Variants in DOCK3 observed in about 807,000 individuals in gnomAD.
DOCK3 encodes dedicator of cytokinesis 3.
In DOCK3, 60 loss-of-function variants were observed where a neutral mutation model predicts 265.6. That is an observed-to-expected ratio of 0.23 (90% CI 0.18 to 0.28). The LOEUF (loss-of-function observed/expected upper bound fraction) is 0.28. Among genes scored for constraint, DOCK3 ranks in the 10% least tolerant of loss-of-function variants. The pLI is 1.00. For missense variants in DOCK3, 1,981 were observed against 2,594.3 expected (o/e 0.76, Z 5.14); for synonymous variants, 881 against 938.0 (o/e 0.94, Z 1.11).
At chr3:50,886,258 A>T (rs2048332307) in intron 3 of DOCK3, among the ~76,000 whole-genome samples, 2 of 150,218 alleles carry the variant, frequency 1.3e-5, no homozygotes, top group South Asian at 4.2e-4. Context: ...AAATACTGAA[A>T]AGTATGTTTA....
chr3:51,367,963 T>C (rs1329052506), intron 49 of DOCK3, among the ~76,000 whole-genome samples: 1 of 152,226 alleles, frequency 6.6e-6, no homozygotes, highest in Non-Finnish European at 1.5e-5. Context: ...CTGACAATTA[T>C]GTGTCTTGGA....
At chr3:51,032,132 G>A (rs1474056396) in intron 5 of DOCK3, among the ~76,000 whole-genome samples, 2 of 151,846 alleles carry the variant, frequency 1.3e-5, no homozygotes, top group African/African-American at 4.8e-5. Context: ...GTGTGTGTGT[G>A]TGTGTGTGTG....
At chr3:50,790,702 T>C (rs925143814) in intron 2 of DOCK3, among the ~76,000 whole-genome samples, 1 of 152,182 alleles carries the variant, frequency 6.6e-6, no homozygotes, top group African/African-American at 2.4e-5. Context: ...ATCTGATAAA[T>C]TTTCCTTTAT....
At position 51,343,827 on chromosome 3, in the gene DOCK3, A is replaced by C. The variant is rs151230131; in HGVS notation, c.3915+2442A>C. ...CCCAAGAGGATTAGCCATGGCTAATAACATGGCCATAGCCTAGTCCTGGGC... is the reference window on the plus strand; with the variant it reads ...CCCAAGAGGATTAGCCATGGCTAATCACATGGCCATAGCCTAGTCCTGGGC... On this transcript the variant is annotated intron_variant, in intron 38 of 52. Transcript: ENST00000266037. 4.1e-3 allele frequency among the ~76,000 whole-genome samples: 625 copies of C among 152,314 alleles called. 4 individuals carry two copies. The highest frequency in any genetic ancestry group is 0.014 in the African/African-American group (598 of 41,568).
chr3:51,095,538 C>T (rs1203970857), intron 9 of DOCK3, among the ~76,000 whole-genome samples: 3 of 152,110 alleles, frequency 2.0e-5, no homozygotes, highest in Non-Finnish European at 4.4e-5. Context: ...ACACCAGAAT[C>T]CAGAATCTCC....
At chr3:50,744,099 C>G (rs932168398) in intron 1 of DOCK3, among the ~76,000 whole-genome samples, 10 of 151,954 alleles carry the variant, frequency 6.6e-5, no homozygotes, top group Admixed American at 6.6e-4. Context: ...TATTAAAGTC[C>G]TTTGTCCATT....
chr3:50,955,054 T>TTTGGCTAGCCTA (rs1405695463), intron 5 of DOCK3, among the ~76,000 whole-genome samples: 1 of 152,164 alleles, frequency 6.6e-6, no homozygotes, highest in Admixed American at 6.6e-5. Context: ...TAGCCAGTTA[T>TTTGGCTAGCCTA]TTCAGCACCA....
At chr3:50,771,817 C>T (rs897411639) in intron 1 of DOCK3, among the ~76,000 whole-genome samples, 22 of 152,166 alleles carry the variant, frequency 1.4e-4, no homozygotes, top group South Asian at 2.1e-4. Context: ...CGCCACTGCA[C>T]TCCAGCCTGG....
At chr3:51,131,538 G>A (rs949021794) in intron 9 of DOCK3, among the ~76,000 whole-genome samples, 5 of 152,090 alleles carry the variant, frequency 3.3e-5, no homozygotes, top group African/African-American at 7.2e-5. Flanking sequence ...AAATTGATTC[G>A]GGGCCATGAT....
At chr3:51,315,652 C>T (rs772859035) in intron 32 of DOCK3, among the ~76,000 whole-genome samples, 1 of 152,104 alleles carries the variant, frequency 6.6e-6, no homozygotes, top group South Asian at 2.1e-4. Context: ...GGAGATGGCC[C>T]CTGCCTTTAT....
At chr3:51,125,232 AGTT>A (rs758625289) in intron 9 of DOCK3, among the ~76,000 whole-genome samples, 4 of 152,208 alleles carry the variant, frequency 2.6e-5, no homozygotes, top group Non-Finnish European at 4.4e-5. Flanking sequence ...AAAACCTAAA[AGTT>A]GTTAAGTACT....
intron 32 of DOCK3, among the ~76,000 whole-genome samples, chr3:51,323,403 A>T (rs945069236): frequency 6.6e-6 from 1 of 152,306 alleles, no homozygotes; most frequent in South Asian, 2.1e-4. Context: ...CAGAATATAC[A>T]TTCTTCTCAG....
At chr3:51,001,420 T>C (rs999828927) in intron 5 of DOCK3, among the ~76,000 whole-genome samples, 4 of 152,146 alleles carry the variant, frequency 2.6e-5, no homozygotes, top group African/African-American at 7.2e-5. Context: ...TACCATAGAC[T>C]CTCCTGGTTC....
At chr3:51,108,362 A>T (rs911685373) in intron 9 of DOCK3, among the ~76,000 whole-genome samples, 2 of 152,186 alleles carry the variant, frequency 1.3e-5, no homozygotes, top group Non-Finnish European at 2.9e-5. Context: ...TTACCACCAG[A>T]CCTGCCTTAC....
At chr3:51,032,820 G>T (rs559904142) in intron 5 of DOCK3, among the ~76,000 whole-genome samples, 16 of 152,286 alleles carry the variant, frequency 1.1e-4, no homozygotes, top group African/African-American at 3.6e-4. Flanking sequence ...GCTAAGGTGG[G>T]AGGATTGCTT....
At chr3:50,910,899 G>GC (rs2049819467) in intron 4 of DOCK3, among the ~76,000 whole-genome samples, 1 of 152,086 alleles carries the variant, frequency 6.6e-6, no homozygotes, top group Non-Finnish European at 1.5e-5. Context: ...TTAAGAAGGT[G>GC]CTTTCTTGCA....
intron 5 of DOCK3, among the ~76,000 whole-genome samples, chr3:50,980,476 G>A (rs2077648780): frequency 6.6e-6 from 1 of 152,152 alleles, no homozygotes; most frequent in Non-Finnish European, 1.5e-5. Context: ...GCCTCATAGA[G>A]TAAGTTGGGA....
At chr3:51,021,684 C>T (rs758541851) in intron 5 of DOCK3, among the ~76,000 whole-genome samples, 5 of 28,368 alleles carry the variant, frequency 1.8e-4, no homozygotes, top group South Asian at 1.1e-3. Context: ...CTTTTTGAGA[C>T]GGAGTCTCGC....
intron 1 of DOCK3, among the ~76,000 whole-genome samples, chr3:50,713,319 G>T (rs1489216597): frequency 6.6e-6 from 1 of 152,156 alleles, no homozygotes; most frequent in Admixed American, 6.5e-5. Context: ...AAGAGTTAAG[G>T]TTAAGGATTT....
Sources: allele counts gnomAD v4.1 joint callset (sites outside exome capture counted in the v4.1 genomes callset), GRCh38; gene constraint gnomAD v4.1.1; transcripts MANE v1.5; gene names NCBI Gene and HGNC (gene_info 2026-07-23, HGNC 2026-07-21).